STPG2: variants seen among roughly 807,000 people sequenced by gnomAD.
STPG2 encodes sperm tail PG-rich repeat containing 2.
In STPG2, 56 loss-of-function variants were observed where a neutral mutation model predicts 54.2. The observed-to-expected ratio is 1.03, with a 90% CI of 0.83 to 1.29. The LOEUF is 1.29. Among genes scored for constraint, STPG2 ranks in the 50% most tolerant of loss-of-function variants. The pLI, the probability that STPG2 is intolerant of heterozygous loss-of-function variation, is 0.00. For missense variants in STPG2, 596 were observed against 544.9 expected (o/e 1.09, Z -0.93); for synonymous variants, 200 against 181.8 (o/e 1.10, Z -0.81).
chr4:97,960,297 G>C (rs1474565182), intron 7 of STPG2, among the ~76,000 whole-genome samples: 5 of 152,110 alleles, frequency 3.3e-5, no homozygotes, highest in Admixed American at 3.3e-4. Flanking sequence ...ACAAGACAAA[G>C]ATGCCTACTC....
chr4:98,048,093 G>GT (rs113449280), intron 5 of STPG2, among the ~76,000 whole-genome samples: 59,860 of 151,872 alleles, frequency 0.39, 12,031 homozygotes, highest in Middle Eastern at 0.46. Flanking sequence ...CAAAAGTATG[G>GT]TTTTTTTAAG....
intron 7 of STPG2, among the ~76,000 whole-genome samples, chr4:97,946,242 C>T (rs28761309): frequency 0.39 from 59,921 of 151,714 alleles, 11,977 homozygotes; most frequent in Middle Eastern, 0.46. Context: ...TTTCATGAAA[C>T]TGTTTTATTT....
chr4:97,446,174 T>C (rs1051236355), intron 4 of STPG2, among the ~76,000 whole-genome samples: 1 of 152,210 alleles, frequency 6.6e-6, no homozygotes, highest in African/African-American at 2.4e-5. Flanking sequence ...AATTTATTTG[T>C]ATTAAAAAGA....
At chr4:97,906,525 T>C (rs1383446503) in intron 8 of STPG2, among the ~76,000 whole-genome samples, 1 of 152,176 alleles carries the variant, frequency 6.6e-6, no homozygotes, top group East Asian at 1.9e-4. Context: ...ATCAGGCCAG[T>C]ATCATCCTGA....
At chr4:97,973,082 A>G (rs1373339750) in intron 6 of STPG2, among the ~76,000 whole-genome samples, 1 of 152,210 alleles carries the variant, frequency 6.6e-6, no homozygotes, top group African/African-American at 2.4e-5. Context: ...ATGGGTTGGA[A>G]CAGTTTAGAA....
chr4:98,032,336 T>C (rs1345847098), intron 5 of STPG2, among the ~76,000 whole-genome samples: 2 of 151,668 alleles, frequency 1.3e-5, no homozygotes, highest in African/African-American at 2.4e-5. Flanking sequence ...AATCAACGAG[T>C]GGAAAAAGAA....
At chr4:97,463,061 A>T (rs1378834775) in intron 4 of STPG2, among the ~76,000 whole-genome samples, 2 of 152,162 alleles carry the variant, frequency 1.3e-5, no homozygotes, top group Admixed American at 6.5e-5. Context: ...TAAGATGATC[A>T]CATAATTTTT....
chr4:98,130,312 A>G (rs948893694), intron 2 of STPG2, among the ~76,000 whole-genome samples: 1 of 151,984 alleles, frequency 6.6e-6, no homozygotes, highest in Admixed American at 6.6e-5. Flanking sequence ...AGTAGCTGGG[A>G]TTACAGGCAT....
At chr4:97,754,037 C>T (rs1373611147) in intron 9 of STPG2, among the ~76,000 whole-genome samples, 2 of 152,046 alleles carry the variant, frequency 1.3e-5, no homozygotes, top group African/African-American at 4.8e-5. Context: ...CATGCAATCA[C>T]TGCCAATGCA....
At position 98,095,986 on chromosome 4, in the gene STPG2, A is replaced by G. The variant is rs549628746; in HGVS notation, c.612+9967T>C. Among the ~76,000 whole-genome samples, 24 of 152,362 alleles carry G rather than the reference A, an allele frequency of 1.6e-4. No individual in the cohort carries two copies. The South Asian group carries it at 5.0e-3, about 32-fold the overall frequency. On this transcript the variant is annotated intron_variant, in intron 5 of 10. Coordinates refer to ENST00000295268, the MANE Select transcript of STPG2 (RefSeq NM_174952.3). Reference sequence around the variant, plus strand: ...TTTTCTCTGACAACAATGGAATAAAACTGGAAATAAATAACAAGAGAAATT... The same window carrying G: ...TTTTCTCTGACAACAATGGAATAAAGCTGGAAATAAATAACAAGAGAAATT...
chr4:97,918,934 A>G (rs1240868893), intron 8 of STPG2, among the ~76,000 whole-genome samples: 2 of 152,188 alleles, frequency 1.3e-5, no homozygotes, highest in Non-Finnish European at 2.9e-5. Context: ...TATGTAACCA[A>G]ACACCACCTG....
intron 10 of STPG2, among the ~76,000 whole-genome samples, chr4:97,561,074 A>G (rs1050947416): frequency 6.6e-6 from 1 of 152,082 alleles, no homozygotes; most frequent in Non-Finnish European, 1.5e-5. Context: ...CCAACAGTGT[A>G]AAAGTGTTCC....
chr4:98,094,735 G>A (rs1412339576), intron 5 of STPG2, among the ~76,000 whole-genome samples: 1 of 152,200 alleles, frequency 6.6e-6, no homozygotes, highest in East Asian at 1.9e-4. Flanking sequence ...CCATGGATCA[G>A]TGGTGGTAGT....
chr4:97,597,210 A>G (rs1178350918), intron 10 of STPG2, among the ~76,000 whole-genome samples: 2 of 152,194 alleles, frequency 1.3e-5, no homozygotes, highest in Non-Finnish European at 2.9e-5. Flanking sequence ...TGCGCTAGGA[A>G]GAAACTGAAT....
intron 9 of STPG2, among the ~76,000 whole-genome samples, chr4:97,833,091 G>C (rs7695559): frequency 1.9e-3 from 295 of 152,166 alleles, no homozygotes; most frequent in African/African-American, 7.0e-3. Context: ...GGAGGCATCA[G>C]GCTACCTGAC....
downstream of STPG2, among the ~76,000 whole-genome samples, chr4:97,556,374 A>T (rs1472314328): frequency 1.3e-5 from 2 of 152,184 alleles, no homozygotes; most frequent in African/African-American, 4.8e-5. Flanking sequence ...ATCCTTCAGA[A>T]ATTTTAATTT....
intron 10 of STPG2, among the ~76,000 whole-genome samples, chr4:97,639,323 A>T (rs929728572): frequency 2.7e-5 from 4 of 150,710 alleles, no homozygotes; most frequent in Admixed American, 2.7e-4. Context: ...GAAGGGGAAC[A>T]TCACACTCTG....
chr4:97,762,467 C>T (rs1578542837), intron 9 of STPG2, among the ~76,000 whole-genome samples: 1 of 152,174 alleles, frequency 6.6e-6, no homozygotes, highest in East Asian at 1.9e-4. Context: ...AGTTTTTGGC[C>T]TAACAGGATG....
intron 5 of STPG2, among the ~76,000 whole-genome samples, chr4:98,018,282 C>A (rs1415773889): frequency 6.6e-6 from 1 of 151,690 alleles, no homozygotes; most frequent in Non-Finnish European, 1.5e-5. Context: ...GTTTTTTGTC[C>A]TTGTGATAGT....
Sources: allele counts gnomAD v4.1 joint callset (sites outside exome capture counted in the v4.1 genomes callset), GRCh38; gene constraint gnomAD v4.1.1; transcripts MANE v1.5; gene names NCBI Gene and HGNC (gene_info 2026-07-23, HGNC 2026-07-21).